Variants in IL17RD observed in about 807,000 individuals in gnomAD.
IL17RD encodes the protein interleukin-17 receptor D.
IL17RD carries 52 observed loss-of-function variants against 80.5 expected under a neutral mutation model. That is an observed-to-expected ratio of 0.65 (90% confidence interval 0.52 to 0.81). IL17RD has a LOEUF of 0.81. Among genes scored for constraint, IL17RD ranks in the 40% least tolerant of loss-of-function variants. The pLI, the probability that IL17RD is intolerant of heterozygous loss-of-function variation, is 0.00. For synonymous variants in IL17RD, 416 were observed against 391.8 expected (o/e 1.06, Z -0.73); for missense variants, 1,024 against 955.1 (o/e 1.07, Z -0.95).
chr3:57,131,633 T>G (rs888042983), intron 1 of IL17RD, among the ~76,000 whole-genome samples: 2 of 152,228 alleles, frequency 1.3e-5, no homozygotes, highest in African/African-American at 4.8e-5. Flanking sequence ...ATCCCTCTCT[T>G]GGCAATACTA....
At chr3:57,097,402 T>C (rs1706704170) in intron 12 of IL17RD, 194 bp downstream of exon 12, 4 of 605,352 alleles carry the variant, frequency 6.6e-6, no homozygotes, top group Non-Finnish European at 1.2e-5. Context: ...TAATTTAGCA[T>C]TAGTATTTCT....
In IL17RD at chr3:57,098,376, C is replaced by G. The variant is rs1306877095; in HGVS notation, c.1327G>C (p.Gly443Arg). 1 of 1,613,930 alleles carries G rather than the reference C, an allele frequency of 6.2e-7. No individual in the cohort carries two copies. Among genetic ancestry groups the G allele is most frequent in the African/African-American group, 1.3e-5 (1 of 74,936 alleles). The change falls in exon 12 of 13, where the codon GGC becomes CGC. Residue 443 changes from glycine (G) to arginine (R), a missense_variant. Physicochemically the swap from Gly to Arg is moderately radical, Grantham distance 125. Coordinates refer to ENST00000296318, the MANE Select transcript of IL17RD (RefSeq NM_017563.5). ...KNYKHKGGGR[G>R]SGKGELFLVA... ...AGGAAGAGCTCTCCTTTCCCCGAGC[C>G]TCGGCCACCTCCTTTGTGTTTGTAG...
intron 1 of IL17RD, among the ~76,000 whole-genome samples, chr3:57,146,521 T>A (rs1707932892): frequency 6.6e-6 from 1 of 151,952 alleles, no homozygotes; most frequent in Non-Finnish European, 1.5e-5. Flanking sequence ...AAGGCCAAGG[T>A]GGGCAGATCA....
chr3:57,152,603 GC>G (rs1228429100), intron 1 of IL17RD, among the ~76,000 whole-genome samples: 10 of 152,130 alleles, frequency 6.6e-5, no homozygotes, highest in Admixed American at 6.5e-4. Flanking sequence ...ACAACTTGTT[GC>G]TTTTTGACAT....
intron 3 of IL17RD, among the ~76,000 whole-genome samples, chr3:57,113,035 T>A (rs962739010): frequency 2.0e-5 from 3 of 152,136 alleles, no homozygotes; most frequent in African/African-American, 7.2e-5. Flanking sequence ...GTTCAATGCC[T>A]CATGTGAAAG....
chr3:57,096,570 A>G, intron 12 of IL17RD, 65 bp from the exon 13 acceptor site: 1 of 1,116,374 alleles, frequency 9.0e-7, no homozygotes, highest in Non-Finnish European at 1.4e-6. Context: ...GCAGGTGCTC[A>G]TGGCAGAATG....
At chr3:57,161,418 A>T (rs1395550343) in intron 1 of IL17RD, among the ~76,000 whole-genome samples, 2 of 152,230 alleles carry the variant, frequency 1.3e-5, no homozygotes, top group African/African-American at 4.8e-5. Flanking sequence ...TTTTCCAAGT[A>T]CCACCCTATT....
At position 57,096,334 on chromosome 3, in the gene IL17RD, G is replaced by T; in HGVS notation, c.*59C>A. The T allele has an allele frequency of 8.8e-7, 1 of 1,139,594 alleles. No individual in the cohort carries two copies. The highest frequency in any genetic ancestry group is 1.3e-6 in the Non-Finnish European group (1 of 746,454). 70.6% of individuals were successfully genotyped at this position (1,139,594 alleles called of 1,614,324 possible). A position where few individuals can be genotyped will look rare whatever the true frequency, so the allele number is the denominator to read the frequency against. On this transcript the variant is annotated 3_prime_UTR_variant, in exon 13 of 13. Coordinates refer to ENST00000296318, the MANE Select transcript of IL17RD (RefSeq NM_017563.5). Reference sequence around the variant, plus strand: ...GTGGGCCATGCAACCAGGGAGATGAGCTGGGGAATCAGAGGGAGGCAGCAG... The same window carrying T: ...GTGGGCCATGCAACCAGGGAGATGATCTGGGGAATCAGAGGGAGGCAGCAG...
At chr3:57,122,804 A>G (rs1480430126) in intron 1 of IL17RD, among the ~76,000 whole-genome samples, 1 of 146,304 alleles carries the variant, frequency 6.8e-6, no homozygotes, top group Non-Finnish European at 1.5e-5. Context: ...GTTTTGAGGA[A>G]GATCAAATGA....
intron 1 of IL17RD, among the ~76,000 whole-genome samples, chr3:57,150,722 T>C (rs139872885): frequency 1.3e-4 from 20 of 152,314 alleles, no homozygotes; most frequent in African/African-American, 4.1e-4. Flanking sequence ...TTGCAGACTT[T>C]TTGAAAATAA....
chr3:57,153,939 A>T (rs906093462), intron 1 of IL17RD, among the ~76,000 whole-genome samples: 3 of 151,956 alleles, frequency 2.0e-5, no homozygotes, highest in South Asian at 4.1e-4. Flanking sequence ...ATCTTCCTGT[A>T]TCGTTTCAGA....
At chr3:57,135,099 C>T (rs1707696939) in intron 1 of IL17RD, among the ~76,000 whole-genome samples, 1 of 152,020 alleles carries the variant, frequency 6.6e-6, no homozygotes, top group African/African-American at 2.4e-5. Context: ...CAGAGCAAGA[C>T]CTTGTCTCAA....
intron 1 of IL17RD, among the ~76,000 whole-genome samples, chr3:57,135,858 G>A (rs372520658): frequency 6.3e-4 from 95 of 150,770 alleles, no homozygotes; most frequent in African/African-American, 2.2e-3. Context: ...CTCCAGAGCC[G>A]GCTGTGTACA....
At position 57,134,672 on chromosome 3, in the gene IL17RD, C is replaced by A. The variant is rs1264634862; in HGVS notation, c.127-14359G>T. On this transcript the variant is annotated intron_variant, in intron 1 of 12. Transcript: ENST00000296318. ...AGCACCATGAAGACCGCCTACAGGC[C>A]AAGGAGGAGATCATCAAGACTTTGT... is the stretch of plus-strand genomic sequence containing the variant. The A allele has an allele frequency of 4.1e-6, 3 of 727,322 alleles. No homozygotes were observed. The East Asian group carries it at 8.0e-5, about 19-fold the overall frequency. The allele number at this position is 727,322 out of a possible 1,614,324, so 45.1% of individuals were successfully genotyped here. A position where few individuals can be genotyped will look rare whatever the true frequency, so the allele number is the denominator to read the frequency against.
chr3:57,152,139 T>C (rs990871461), intron 1 of IL17RD, among the ~76,000 whole-genome samples: 1 of 152,096 alleles, frequency 6.6e-6, no homozygotes. Context: ...ACAAGAACTC[T>C]CTCGGCTGTG....
At chr3:57,096,620 G>C in intron 12 of IL17RD, 115 bp from the exon 13 acceptor site, 1 of 743,506 alleles carries the variant, frequency 1.3e-6, no homozygotes, top group Non-Finnish European at 2.4e-6. Context: ...CTGTATAAAC[G>C]AGGCAAGAAT....
At chr3:57,145,096 C>T (rs768284495) in intron 1 of IL17RD, among the ~76,000 whole-genome samples, 1 of 152,190 alleles carries the variant, frequency 6.6e-6, no homozygotes, top group African/African-American at 2.4e-5. Flanking sequence ...CTTCTGCCCT[C>T]GCCAACACCT....
chr3:57,146,596 CA>C (rs1403881371), intron 1 of IL17RD, among the ~76,000 whole-genome samples: 1 of 151,548 alleles, frequency 6.6e-6, no homozygotes, highest in Non-Finnish European at 1.5e-5. Flanking sequence ...ACTAAAAATA[CA>C]AAATTAGCTG....
At chr3:57,121,266 T>C (rs1227406048) in intron 1 of IL17RD, among the ~76,000 whole-genome samples, 1 of 152,204 alleles carries the variant, frequency 6.6e-6, no homozygotes, top group African/African-American at 2.4e-5. Flanking sequence ...GCCTGGCATT[T>C]AATGGGTAAT....
Sources: allele counts gnomAD v4.1 joint callset (sites outside exome capture counted in the v4.1 genomes callset), GRCh38; gene constraint gnomAD v4.1.1; transcripts MANE v1.5; gene names NCBI Gene and HGNC (gene_info 2026-07-23, HGNC 2026-07-21).